The following MRPL1 variants were observed in gnomAD, a reference collection of about 807,000 sequenced individuals.
The protein encoded by MRPL1 is large ribosomal subunit protein uL1m.
MRPL1 carries 28 observed loss-of-function variants against 38.0 expected under a neutral mutation model. The ratio of observed to expected loss-of-function variants is 0.74; its 90% CI spans 0.55 to 1.01. The LOEUF (loss-of-function observed/expected upper bound fraction) is 1.01, where lower values mean the gene tolerates loss of function less well. Among genes scored for constraint, MRPL1 ranks in the 50% least tolerant of loss-of-function variants. The pLI is 0.00. For synonymous variants in MRPL1, 123 were observed against 126.7 expected (o/e 0.97, Z 0.20); for missense variants, 358 against 389.8 (o/e 0.92, Z 0.69).
At chr4:77,943,521 G>T (rs1303268737) in intron 7 of MRPL1, among the ~76,000 whole-genome samples, 3 of 151,616 alleles carry the variant, frequency 2.0e-5, no homozygotes, top group African/African-American at 7.3e-5. Flanking sequence ...CTTAGTTTTG[G>T]TCATTTAACA....
intron 1 of MRPL1, among the ~76,000 whole-genome samples, chr4:77,865,844 C>T (rs966662905): frequency 1.3e-5 from 2 of 152,164 alleles, no homozygotes; most frequent in African/African-American, 4.8e-5. Flanking sequence ...TAGTGAAATT[C>T]ATCCTTTAAG....
Position 77,894,118 on chromosome 4 carries a change from CTTT to C in MRPL1, c.559-12_559-10del. 8.9e-7 allele frequency: 1 copy of C among 1,118,246 alleles called. No homozygotes were observed. Among genetic ancestry groups the C allele is most frequent in the Non-Finnish European group, 1.3e-6 (1 of 794,024 alleles). 69.3% of individuals were successfully genotyped at this position (1,118,246 alleles called of 1,614,324 possible). On this transcript the variant is annotated intron_variant, in intron 5 of 8. Transcript: ENST00000315567. ...AGCTTTTCATCTCATCTGAGGTCAC[CTTT>C]TTTTTTTTAATTTTCAGATTTGGGA...
chr4:77,896,320 C>G (rs1010032728), intron 6 of MRPL1, among the ~76,000 whole-genome samples: 8 of 152,040 alleles, frequency 5.3e-5, no homozygotes, highest in Non-Finnish European at 1.0e-4. Context: ...TGAATTGCAA[C>G]TTCACATATC....
At chr4:77,937,297 A>G (rs1371714405) in intron 7 of MRPL1, among the ~76,000 whole-genome samples, 2 of 151,974 alleles carry the variant, frequency 1.3e-5, no homozygotes, top group Non-Finnish European at 2.9e-5. Context: ...TCTCATATCC[A>G]AAGATTTCCC....
intron 2 of MRPL1, among the ~76,000 whole-genome samples, chr4:77,879,107 A>G (rs1289413900): frequency 3.3e-5 from 5 of 152,190 alleles, no homozygotes; most frequent in Admixed American, 2.6e-4. Context: ...AGTATGATTT[A>G]TTGTATTCTC....
At chr4:77,939,011 T>C (rs982133974) in intron 7 of MRPL1, among the ~76,000 whole-genome samples, 2 of 152,172 alleles carry the variant, frequency 1.3e-5, no homozygotes, top group African/African-American at 2.4e-5. Context: ...TTTGGTACAC[T>C]CATCACCCGA....
chr4:77,900,834 G>T (rs947633969), intron 6 of MRPL1, among the ~76,000 whole-genome samples: 2 of 152,160 alleles, frequency 1.3e-5, no homozygotes, highest in Non-Finnish European at 2.9e-5. Flanking sequence ...TATGAGGATG[G>T]TGAAACTTTA....
At chr4:77,888,108 G>A (rs1010084510) in intron 5 of MRPL1, among the ~76,000 whole-genome samples, 1 of 152,156 alleles carries the variant, frequency 6.6e-6, no homozygotes, top group African/African-American at 2.4e-5. Flanking sequence ...CCTCTATAAT[G>A]TTGGTGCTTT....
intron 7 of MRPL1, among the ~76,000 whole-genome samples, chr4:77,925,420 C>T (rs746195954): frequency 5.4e-5 from 8 of 148,946 alleles, no homozygotes; most frequent in Non-Finnish European, 1.0e-4. Context: ...GGTGTGATCT[C>T]GGCTCACTGC....
At chr4:77,915,839 A>G (rs927498453) in intron 7 of MRPL1, among the ~76,000 whole-genome samples, 1 of 152,254 alleles carries the variant, frequency 6.6e-6, no homozygotes, top group African/African-American at 2.4e-5. Context: ...GATACGTTGA[A>G]CATCATGAAG....
intron 3 of MRPL1, 36 bp from the exon 4 acceptor site, chr4:77,885,220 A>G: frequency 6.8e-7 from 1 of 1,473,816 alleles, no homozygotes; most frequent in Non-Finnish European, 9.5e-7. Context: ...GAAAAGATTA[A>G]CTTTACGTAA....
chr4:77,886,365 G>C (rs947819097), intron 4 of MRPL1, among the ~76,000 whole-genome samples: 2 of 151,622 alleles, frequency 1.3e-5, no homozygotes, highest in Non-Finnish European at 2.9e-5. Flanking sequence ...ATGGAGTCTT[G>C]CTCTTGTTGC....
At chr4:77,892,127 C>CTTTTTTT (rs34043885) in intron 5 of MRPL1, among the ~76,000 whole-genome samples, 1 of 145,008 alleles carries the variant, frequency 6.9e-6, no homozygotes, top group Non-Finnish European at 1.5e-5. Context: ...GTAGTCATTT[C>CTTTTTTT]TTTTTTTTTT....
chr4:77,941,557 TATTATTGG>T (rs1443002016), intron 7 of MRPL1, among the ~76,000 whole-genome samples: 1 of 152,168 alleles, frequency 6.6e-6, no homozygotes, highest in Non-Finnish European at 1.5e-5. Context: ...CCTCACTGCT[TATTATTGG>T]TCTGTTCAGA....
chr4:77,863,320 T>G (rs1265205203), intron 1 of MRPL1, among the ~76,000 whole-genome samples: 1 of 152,204 alleles, frequency 6.6e-6, no homozygotes, highest in Non-Finnish European at 1.5e-5. Flanking sequence ...ATTCCAGTTC[T>G]TAAACTTCCA....
intron 7 of MRPL1, among the ~76,000 whole-genome samples, chr4:77,946,028 G>A (rs540045870): frequency 6.6e-6 from 1 of 152,188 alleles, no homozygotes; most frequent in Admixed American, 6.5e-5. Flanking sequence ...ATTCACCAGG[G>A]TGGGGTTTTT....
At chr4:77,918,274 G>C (rs1483124736) in intron 7 of MRPL1, among the ~76,000 whole-genome samples, 3 of 152,090 alleles carry the variant, frequency 2.0e-5, no homozygotes, top group Admixed American at 2.0e-4. Flanking sequence ...CTGTTTTAAA[G>C]AAACCAAATA....
chr4:77,869,055 G>A (rs576786201), intron 1 of MRPL1, among the ~76,000 whole-genome samples: 2 of 152,338 alleles, frequency 1.3e-5, no homozygotes, highest in Non-Finnish European at 2.9e-5. Flanking sequence ...AGTAATCCAG[G>A]TGGTAGGTGA....
At position 77,871,730 on chromosome 4, in the gene MRPL1, T is replaced by C. The variant is rs746521568; in HGVS notation, c.32-14T>C. The C allele has an allele frequency of 7.0e-6, 9 of 1,284,320 alleles. No individual in the cohort carries two copies. The Middle Eastern group carries it at 5.7e-4, about 82-fold the overall frequency. 79.6% of individuals were successfully genotyped at this position (1,284,320 alleles called of 1,614,324 possible). On this transcript the variant is annotated splice_polypyrimidine_tract_variant and intron_variant, in intron 1 of 8. Coordinates refer to ENST00000315567, the MANE Select transcript of MRPL1 (RefSeq NM_020236.4). ...TTATTTAATGTTAATATTTTACATG[T>C]TTTTCCTTTCAAGCCTTGATACATC...
Sources: gnomAD v4.1 joint callset for allele counts (sites outside exome capture counted in the v4.1 genomes callset) on GRCh38, gnomAD v4.1.1 for gene constraint, MANE v1.5 for transcripts, NCBI Gene and HGNC (gene_info 2026-07-23, HGNC 2026-07-21) for gene names.